CNTN4: variants seen among roughly 807,000 people sequenced by gnomAD.
CNTN4 encodes the protein contactin 4.
A neutral mutation model predicts 122.5 loss-of-function variants in CNTN4; 77 were observed. That is an observed-to-expected ratio of 0.63 (90% confidence interval 0.52 to 0.76). The LOEUF is 0.76. CNTN4 is among the 30% of genes least tolerant of loss of function. The pLI, the probability that CNTN4 is intolerant of heterozygous loss-of-function variation, is 0.00. For missense variants in CNTN4, 1,256 were observed against 1,259.1 expected, an observed-to-expected ratio of 1.00 and a Z score of 0.04; for synonymous variants, 512 against 447.0, an observed-to-expected ratio of 1.15 and a Z score of -1.83.
In CNTN4 at chr3:2,344,955, A is replaced by C. The variant is rs140934344; in HGVS notation, c.-89+5722A>C. Among the ~76,000 whole-genome samples the C allele has an allele frequency of 3.5e-3, 537 of 152,370 alleles. 2 individuals are homozygous for C. Among genetic ancestry groups the C allele is most frequent in the Non-Finnish European group, 5.5e-3 (377 of 68,042 alleles). ...ATTTCTGTTAGCACTTAATGAATTT[A>C]ATCAGCCCCCGAGGGACTTTTGATG... On this transcript the variant is annotated intron_variant, in intron 3 of 24. Transcript: ENST00000418658.
chr3:2,594,128 A>C (rs780078411), intron 4 of CNTN4, among the ~76,000 whole-genome samples: 3 of 152,160 alleles, frequency 2.0e-5, no homozygotes, highest in Non-Finnish European at 4.4e-5. Flanking sequence ...TTGGGAGCAT[A>C]ATTCATCACT....
chr3:2,486,684 TG>T (rs2076172735), intron 3 of CNTN4, among the ~76,000 whole-genome samples: 1 of 152,174 alleles, frequency 6.6e-6, no homozygotes, highest in Admixed American at 6.5e-5. Flanking sequence ...CCAGCTTGGC[TG>T]AGTATTTTTG....
chr3:2,919,971 A>G lies in CNTN4; in HGVS notation c.1208-5658A>G, dbSNP rs116009520. On this transcript the variant is annotated intron_variant, in intron 12 of 24. Coordinates refer to ENST00000418658, the MANE Select transcript of CNTN4 (RefSeq NM_175607.3). ...TATGTAACTGATTTTTGAGTTTTCA[A>G]GTCTTTTATAAAAAAAAATAAAAGG... 3.9e-5 allele frequency among the ~76,000 whole-genome samples: 6 copies of G among 152,244 alleles called. No individual in the cohort carries two copies. In the South Asian group the frequency reaches 1.0e-3, roughly 26 times the overall value.
intron 2 of CNTN4, among the ~76,000 whole-genome samples, chr3:2,241,365 A>T (rs2039930775): frequency 6.6e-6 from 1 of 152,022 alleles, no homozygotes; most frequent in Non-Finnish European, 1.5e-5. Flanking sequence ...TCCCACGATT[A>T]TTTCTCCGCT....
At chr3:2,913,569 A>C (rs1467319166) in intron 12 of CNTN4, among the ~76,000 whole-genome samples, 1 of 152,248 alleles carries the variant, frequency 6.6e-6, no homozygotes. Context: ...GAGACAAAGA[A>C]AAACATTATA....
intron 2 of CNTN4, among the ~76,000 whole-genome samples, chr3:2,146,221 T>C (rs2035241495): frequency 8.8e-6 from 1 of 113,660 alleles, no homozygotes; most frequent in Non-Finnish European, 1.9e-5. Flanking sequence ...ATAATTTAAT[T>C]GACTTCTATT....
chr3:3,052,421 T>A (rs2125899210), intron 23 of CNTN4, among the ~76,000 whole-genome samples: 1 of 151,670 alleles, frequency 6.6e-6, no homozygotes, highest in East Asian at 2.0e-4. Context: ...TCCCACCCTG[T>A]TGAAAACCAC....
At chr3:2,183,364 T>C (rs1575023876) in intron 2 of CNTN4, among the ~76,000 whole-genome samples, 1 of 152,202 alleles carries the variant, frequency 6.6e-6, no homozygotes, top group African/African-American at 2.4e-5. Context: ...ATATGTTTTC[T>C]CTTGGTTCCC....
chr3:2,956,884 A>G (rs539507826), intron 13 of CNTN4, among the ~76,000 whole-genome samples: 1 of 152,264 alleles, frequency 6.6e-6, no homozygotes, highest in South Asian at 2.1e-4. Flanking sequence ...AAGTGACATT[A>G]TACACTATTT....
chr3:2,668,431 C>T (rs1435429454), intron 4 of CNTN4, among the ~76,000 whole-genome samples: 1 of 152,122 alleles, frequency 6.6e-6, no homozygotes, highest in Non-Finnish European at 1.5e-5. Flanking sequence ...GTGATTTTTG[C>T]ACATTGATTT....
At chr3:2,483,320 G>A (rs905348115) in intron 3 of CNTN4, among the ~76,000 whole-genome samples, 1 of 152,128 alleles carries the variant, frequency 6.6e-6, no homozygotes, top group Non-Finnish European at 1.5e-5. Flanking sequence ...CCCAATATCT[G>A]TACCCCCATT....
At chr3:2,620,978 G>C (rs896948399) in intron 4 of CNTN4, among the ~76,000 whole-genome samples, 1 of 152,166 alleles carries the variant, frequency 6.6e-6, no homozygotes, top group African/African-American at 2.4e-5. Flanking sequence ...GCTCTAGAAA[G>C]TACATATTTG....
chr3:2,449,215 A>G (rs942244579), intron 3 of CNTN4, among the ~76,000 whole-genome samples: 1 of 152,230 alleles, frequency 6.6e-6, no homozygotes, highest in African/African-American at 2.4e-5. Flanking sequence ...TCATTATTTG[A>G]AAGATAGTTT....
rs139756669 is a variant in CNTN4 at position 2,663,362 on chromosome 3, C to A, written c.56-72853C>A. Among the ~76,000 whole-genome samples, 206 of 152,078 alleles carry A rather than the reference C, an allele frequency of 1.4e-3. 1 individual carries two copies. Among genetic ancestry groups the A allele is most frequent in the African/African-American group, 4.7e-3 (196 of 41,478 alleles). The stretch of plus-strand genomic sequence containing the variant: ...AGGTAAAATATACATGACTTGGGGA[C>A]CCAGTGAATGTAAAAAGTGAGGAAG... On this transcript the variant is annotated intron_variant, in intron 4 of 24. Coordinates refer to ENST00000418658, the MANE Select transcript of CNTN4 (RefSeq NM_175607.3).
intron 6 of CNTN4, among the ~76,000 whole-genome samples, chr3:2,773,463 T>A (rs189509745): frequency 3.9e-5 from 6 of 152,258 alleles, no homozygotes; most frequent in African/African-American, 1.4e-4. Flanking sequence ...TCCAACATTC[T>A]TACGGGGTAC....
chr3:2,246,682 A>G (rs1168983828), intron 2 of CNTN4, among the ~76,000 whole-genome samples: 1 of 152,074 alleles, frequency 6.6e-6, no homozygotes, highest in Non-Finnish European at 1.5e-5. Flanking sequence ...GCTTATAATA[A>G]TTACCCACAA....
intron 6 of CNTN4, among the ~76,000 whole-genome samples, chr3:2,764,107 T>C (rs764185157): frequency 6.6e-6 from 1 of 152,174 alleles, no homozygotes; most frequent in African/African-American, 2.4e-5. Context: ...CATTCAGATA[T>C]TTTTCTGAGT....
In CNTN4 at chr3:2,795,520, C is replaced by CT. The variant is rs11329789; in HGVS notation, c.359-23950dup. On this transcript the variant is annotated intron_variant, in intron 6 of 24. Transcript: ENST00000418658. ...TTATATTAGAGTAACAAATGGGTAT[C>CT]TTTTTTTTTTTTTTTTCTGAGATGG... 8.6e-3 allele frequency among the ~76,000 whole-genome samples: 1,202 copies of CT among 139,092 alleles called. 14 individuals carry two copies. Among genetic ancestry groups the CT allele is most frequent in the African/African-American group, 0.021 (790 of 37,342 alleles). The allele number at this position is 139,092 out of a possible 152,430, so 91.2% of individuals were successfully genotyped here.
rs148279464 is a variant in CNTN4 at position 3,004,369 on chromosome 3, C to A, written c.1486+15897C>A. Among the ~76,000 whole-genome samples the A allele has an allele frequency of 4.2e-4, 63 of 151,578 alleles. No individual in the cohort carries two copies. The East Asian group carries it at 0.012, about 28-fold the overall frequency. On this transcript the variant is annotated intron_variant, in intron 14 of 24. Transcript: ENST00000418658. The stretch of plus-strand genomic sequence containing the variant: ...CTAGAAAACACTGTTGGAGAATAGT[C>A]CCCCCATCAGTCTTCCACCCACTGT...
Sources: allele counts gnomAD v4.1 joint callset (sites outside exome capture counted in the v4.1 genomes callset), GRCh38; gene constraint gnomAD v4.1.1; transcripts MANE v1.5; gene names NCBI Gene and HGNC (gene_info 2026-07-23, HGNC 2026-07-21).